TSHZ2: variants seen among roughly 807,000 people sequenced by gnomAD.
TSHZ2 encodes the protein teashirt zinc finger homeobox 2, also known as teashirt homolog 2.
A neutral mutation model predicts 74.4 loss-of-function variants in TSHZ2; 21 were observed. That is an observed-to-expected ratio of 0.28 (90% CI 0.20 to 0.41). The LOEUF (loss-of-function observed/expected upper bound fraction) is 0.41, where lower values mean the gene tolerates loss of function less well. Ranked by LOEUF, TSHZ2 falls within the 10% of genes least tolerant of loss-of-function variation. The probability of loss-of-function intolerance (pLI) is 1.00; values close to 1 mark genes in which losing one functional copy is unlikely to be tolerated. For synonymous variants in TSHZ2, 540 were observed against 515.3 expected (o/e 1.05, Z -0.65); for missense variants, 1,244 against 1,293.5 (o/e 0.96, Z 0.59).
At chr20:53,222,539 T>C (rs73272832) in intron 1 of TSHZ2, among the ~76,000 whole-genome samples, 2,475 of 152,306 alleles carry the variant, frequency 0.016, 61 homozygotes, top group African/African-American at 0.057. Context: ...AAGTCTGGAA[T>C]ACCATGTGCA....
intron 2 of TSHZ2, chr20:53,421,067 C>T (rs897636717): frequency 6.6e-6 from 1 of 152,254 alleles, no homozygotes; most frequent in Non-Finnish European, 1.5e-5. Context: ...CTCTGTCCCG[C>T]ATTGGGTCAT....
intron 2 of TSHZ2, chr20:53,412,652 TC>T (rs1417846172): frequency 6.6e-6 from 1 of 152,352 alleles, no homozygotes; most frequent in Non-Finnish European, 1.5e-5. Flanking sequence ...ACAGTGACTC[TC>T]CACGCTGCTT....
chr20:53,432,650 C>G (rs1983888122), intron 2 of TSHZ2, among the ~76,000 whole-genome samples: 1 of 152,132 alleles, frequency 6.6e-6, no homozygotes, highest in Admixed American at 6.5e-5. Context: ...TTTTTGACTT[C>G]TTAATAATAG....
chr20:53,338,508 T>G (rs1206544401), intron 2 of TSHZ2, among the ~76,000 whole-genome samples: 3 of 152,210 alleles, frequency 2.0e-5, no homozygotes, highest in Non-Finnish European at 2.9e-5. Context: ...CTGCCCACAC[T>G]AACTTGAAAT....
At chr20:53,178,910 A>G (rs947842409) in intron 1 of TSHZ2, 1 of 152,224 alleles carries the variant, frequency 6.6e-6, no homozygotes, top group Admixed American at 6.5e-5. Flanking sequence ...TACTCTTTGA[A>G]GTAGTAATGT....
In TSHZ2 at chr20:53,256,712, G is replaced by T; in HGVS notation, c.*8+141G>T. 2 of 1,357,334 alleles carry T rather than the reference G, an allele frequency of 1.5e-6. No individual in the cohort carries two copies. Among genetic ancestry groups the T allele is most frequent in the Non-Finnish European group, 1.9e-6 (2 of 1,035,100 alleles). The allele number at this position is 1,357,334 out of a possible 1,614,324, so 84.1% of individuals were successfully genotyped here. A position where few individuals can be genotyped will look rare whatever the true frequency, so the allele number is the denominator to read the frequency against. On this transcript the variant is annotated intron_variant, in intron 2 of 2. Coordinates refer to ENST00000371497, the MANE Select transcript of TSHZ2 (RefSeq NM_173485.6). This position sits in a 1 kb window ranked among gnomAD's most constrained non-coding sequence, Gnocchi z 4.3. ...TGGAGTAGGATTTATTTTAATGAAA[G>T]ACCAGAACATGAAAACTAAGTCCTA... is the stretch of plus-strand genomic sequence containing the variant.
intron 2 of TSHZ2, among the ~76,000 whole-genome samples, chr20:53,417,275 CA>C (rs1330552808): frequency 4.0e-5 from 6 of 150,802 alleles, no homozygotes; most frequent in South Asian, 2.1e-4. Context: ...CACACACACA[CA>C]CACCATAGTT....
At chr20:53,188,332 T>G (rs575283013) in intron 1 of TSHZ2, among the ~76,000 whole-genome samples, 1 of 152,330 alleles carries the variant, frequency 6.6e-6, no homozygotes, top group South Asian at 2.1e-4. Context: ...TGCTCCTAAC[T>G]GGGAGTCGAT....
intron 1 of TSHZ2, among the ~76,000 whole-genome samples, chr20:53,028,139 T>C (rs1019761024): frequency 6.6e-6 from 1 of 152,090 alleles, no homozygotes; most frequent in Non-Finnish European, 1.5e-5. Context: ...TGGGAAATGG[T>C]GGTGGTGGAT....
intron 1 of TSHZ2, among the ~76,000 whole-genome samples, chr20:53,022,418 G>A (rs1412708764): frequency 3.3e-5 from 5 of 152,148 alleles, no homozygotes; most frequent in Non-Finnish European, 7.3e-5. Flanking sequence ...TGCTTCCCAT[G>A]CCACGTTTTA....
At chr20:53,166,745 T>C (rs1205969931) in intron 1 of TSHZ2, among the ~76,000 whole-genome samples, 1 of 152,056 alleles carries the variant, frequency 6.6e-6, no homozygotes, top group Non-Finnish European at 1.5e-5. Context: ...CACTCCAGCC[T>C]GGGCAACAAA....
intron 2 of TSHZ2, among the ~76,000 whole-genome samples, chr20:53,463,517 G>A (rs528515693): frequency 2.4e-4 from 36 of 152,044 alleles, no homozygotes; most frequent in African/African-American, 4.8e-4. Flanking sequence ...GAGGAATGTC[G>A]TAGAATTATA....
chr20:53,124,738 C>T (rs1167336049), intron 1 of TSHZ2, among the ~76,000 whole-genome samples: 1 of 152,180 alleles, frequency 6.6e-6, no homozygotes, highest in East Asian at 1.9e-4. Flanking sequence ...GTTGATGATG[C>T]TACATGCCCA....
intron 1 of TSHZ2, among the ~76,000 whole-genome samples, chr20:53,116,293 A>T (rs1213137473): frequency 2.0e-5 from 3 of 152,222 alleles, no homozygotes; most frequent in Admixed American, 2.0e-4. Context: ...TTGACTGTGT[A>T]GCTCATTTTG....
chr20:53,146,998 G>T (rs1001901329), intron 1 of TSHZ2, among the ~76,000 whole-genome samples: 1 of 152,170 alleles, frequency 6.6e-6, no homozygotes, highest in African/African-American at 2.4e-5. Context: ...TTTTTCAGTT[G>T]ATGGGAATAG....
intron 2 of TSHZ2, among the ~76,000 whole-genome samples, chr20:53,427,612 C>A (rs1568912722): frequency 6.6e-6 from 1 of 152,206 alleles, no homozygotes; most frequent in Non-Finnish European, 1.5e-5. Flanking sequence ...CACAAAGACA[C>A]AGATTTCTGA....
At chr20:53,480,408 A>G (rs1418615503) in intron 2 of TSHZ2, among the ~76,000 whole-genome samples, 4 of 151,740 alleles carry the variant, frequency 2.6e-5, no homozygotes, top group African/African-American at 7.3e-5. Context: ...TCTACAAAAA[A>G]ATTTAAAAAT....
chr20:53,193,345 C>T (rs866170729), intron 1 of TSHZ2, among the ~76,000 whole-genome samples: 1 of 152,186 alleles, frequency 6.6e-6, no homozygotes, highest in African/African-American at 2.4e-5. Context: ...GCTCCAGACA[C>T]ATTGCCGTTC....
At chr20:53,069,239 T>G (rs1985091900) in intron 1 of TSHZ2, among the ~76,000 whole-genome samples, 1 of 152,162 alleles carries the variant, frequency 6.6e-6, no homozygotes, top group African/African-American at 2.4e-5. Context: ...TCACCTACTT[T>G]AGAATACCCA....
Sources: allele counts gnomAD v4.1 joint callset (sites outside exome capture counted in the v4.1 genomes callset), GRCh38; gene constraint gnomAD v4.1.1; non-coding constraint Gnocchi (gnomAD v3.1); transcripts MANE v1.5; gene names NCBI Gene and HGNC (gene_info 2026-07-23, HGNC 2026-07-21).